Variants in RNASEH1 observed in about 807,000 individuals in gnomAD.
The protein encoded by RNASEH1 is ribonuclease H type II.
RNASEH1 carries 27 observed loss-of-function variants against 34.6 expected under a neutral mutation model. That is an observed-to-expected ratio of 0.78 (90% CI 0.58 to 1.08). The LOEUF (loss-of-function observed/expected upper bound fraction) is 1.08. Ranked by LOEUF, RNASEH1 falls within the 50% of genes least tolerant of loss-of-function variation. The pLI is 0.00. For synonymous variants in RNASEH1, 162 were observed against 138.4 expected (o/e 1.17, Z -1.20); for missense variants, 349 against 373.6 (o/e 0.93, Z 0.54).
intron 6 of RNASEH1, among the ~76,000 whole-genome samples, 194 bp downstream of exon 6, chr2:3,548,446 G>A (rs747037070): frequency 2.0e-5 from 3 of 152,188 alleles, no homozygotes; most frequent in Non-Finnish European, 4.4e-5. Flanking sequence ...TCCAGTGCCT[G>A]GCAAAGAAAT....
intron 1 of RNASEH1, chr2:3,557,725 T>C (rs879127081): frequency 5.8e-6 from 3 of 514,708 alleles, no homozygotes; most frequent in South Asian, 3.2e-5. Context: ...TTATTAGAAT[T>C]TGCCTTTTTT....
chr2:3,539,947 T>C (rs1007500250), downstream of RNASEH1, among the ~76,000 whole-genome samples: 9 of 152,276 alleles, frequency 5.9e-5, no homozygotes, highest in East Asian at 1.5e-3. Context: ...CTTTCTCGTT[T>C]TGTTTGACCT....
At chr2:3,539,674 C>T (rs1668188282), downstream of RNASEH1, among the ~76,000 whole-genome samples, 1 of 152,148 alleles carries the variant, frequency 6.6e-6, no homozygotes, top group African/African-American at 2.4e-5. Context: ...CTGATGACAT[C>T]CTGAGTTCTG....
intron 5 of RNASEH1, 91 bp downstream of exon 5, chr2:3,548,967 T>G (rs1669021437): frequency 9.5e-7 from 1 of 1,056,668 alleles, no homozygotes; most frequent in Non-Finnish European, 1.4e-6. Flanking sequence ...ATATCTTATA[T>G]GTATAGGTAG....
downstream of RNASEH1, among the ~76,000 whole-genome samples, chr2:3,538,951 G>A (rs1019856647): frequency 6.6e-6 from 1 of 152,130 alleles, no homozygotes; most frequent in African/African-American, 2.4e-5. Flanking sequence ...GCATTCTCTC[G>A]TGAGTAAAGC....
intron 3 of RNASEH1, among the ~76,000 whole-genome samples, chr2:3,551,688 T>C (rs369586792): frequency 6.6e-6 from 1 of 152,252 alleles, no homozygotes; most frequent in Non-Finnish European, 1.5e-5. Flanking sequence ...AATACATAAC[T>C]GATTCCTGGA....
intron 1 of RNASEH1, 157 bp downstream of exon 1, chr2:3,557,976 G>A: frequency 2.7e-6 from 4 of 1,493,792 alleles, no homozygotes; most frequent in Non-Finnish European, 3.6e-6. Context: ...AACCCCGCCG[G>A]CCGAGCAGGA....
chr2:3,547,256 CA>C (rs550722770), intron 7 of RNASEH1, among the ~76,000 whole-genome samples: 28 of 152,316 alleles, frequency 1.8e-4, no homozygotes, highest in African/African-American at 6.5e-4. Context: ...TGGCTCACTG[CA>C]ACCTCGACCT....
chr2:3,557,925 A>C, intron 1 of RNASEH1: 3 of 1,530,918 alleles, frequency 2.0e-6, no homozygotes, highest in Non-Finnish European at 2.6e-6. Flanking sequence ...ATTTCAAACA[A>C]GTCTTCGGTG....
chr2:3,552,182 G>A lies in RNASEH1; in HGVS notation c.371C>T (p.Pro124Leu), dbSNP rs1303430946. 7 of 1,611,702 alleles carry A rather than the reference G, an allele frequency of 4.3e-6. No individual in the cohort carries two copies. The highest frequency in any genetic ancestry group is 2.2e-5 in the East Asian group (1 of 44,834). The change falls in exon 3 of 8, where the codon CCG becomes CTG. Residue 124 changes from proline (P) to leucine (L), a missense_variant. Around this residue, in one of 2 missense-constraint regions of RNASEH1, gnomAD observed 256 missense variants for 240.7 expected, o/e 1.06. Transcript: ENST00000315212. ...YAKHMKPSVEPAPPVSRDTFS... is the reference protein window; with the variant it reads ...YAKHMKPSVELAPPVSRDTFS... ...CGTGTCTCTGCTAACTGGAGGCGCC[G>A]GCTCCACGCTCGGCTTCATGTGCTT...
chr2:3,549,742 C>T lies in RNASEH1; in HGVS notation c.510-630G>A, dbSNP rs369560652. On this transcript the variant is annotated intron_variant, in intron 4 of 7. Transcript: ENST00000315212. ...TGGGCGGATCACGAGGTCAGAAGATCGAGACCATCCTGGCTAACACGGTGA... is the reference window on the plus strand; with the variant it reads ...TGGGCGGATCACGAGGTCAGAAGATTGAGACCATCCTGGCTAACACGGTGA... Among the ~76,000 whole-genome samples, 61 of 151,842 alleles carry T rather than the reference C, an allele frequency of 4.0e-4. 2 individuals are homozygous for T. The highest frequency in any genetic ancestry group is 1.2e-3 in the African/African-American group (51 of 41,402).
At chr2:3,555,171 G>A (rs965897943) in intron 2 of RNASEH1, among the ~76,000 whole-genome samples, 2 of 152,010 alleles carry the variant, frequency 1.3e-5, no homozygotes, top group South Asian at 2.1e-4. Context: ...TGTGCTCATC[G>A]GTCTCCTCCT....
At chr2:3,554,027 G>A (rs1660247517) in intron 2 of RNASEH1, among the ~76,000 whole-genome samples, 1 of 152,100 alleles carries the variant, frequency 6.6e-6, no homozygotes, top group Admixed American at 6.5e-5. Context: ...CCTAAACCAG[G>A]GATGGAGAAA....
At chr2:3,547,540 T>G (rs1343460007) in intron 7 of RNASEH1, among the ~76,000 whole-genome samples, 1 of 150,414 alleles carries the variant, frequency 6.6e-6, no homozygotes, top group Non-Finnish European at 1.5e-5. Flanking sequence ...CAGGCTGGAG[T>G]GCAGTGGCGC....
intron 1 of RNASEH1, chr2:3,557,614 A>G: frequency 2.8e-6 from 1 of 350,886 alleles, no homozygotes; most frequent in African/African-American, 2.2e-5. Context: ...TGTCAGTTAC[A>G]TGCCCTGGGA....
intron 2 of RNASEH1, among the ~76,000 whole-genome samples, chr2:3,554,604 G>A (rs1246507616): frequency 6.6e-6 from 1 of 152,224 alleles, no homozygotes; most frequent in Non-Finnish European, 1.5e-5. Flanking sequence ...GTAAGTCACT[G>A]ACTAGGAGGT....
intron 1 of RNASEH1, 165 bp downstream of exon 1, chr2:3,557,968 C>A: frequency 2.0e-6 from 3 of 1,497,700 alleles, no homozygotes; most frequent in Non-Finnish European, 1.8e-6. Flanking sequence ...CCTCCTGGAA[C>A]CCCGCCGGCC....
At chr2:3,534,077 A>G in the RNASEH1 span, 1 of 152,224 alleles carries the variant, frequency 6.6e-6, no homozygotes, top group Admixed American at 6.5e-5. Context: ...TCAGCCACAC[A>G]GCAGGGACTA....
At chr2:3,547,467 G>A (rs545442456) in intron 7 of RNASEH1, among the ~76,000 whole-genome samples, 81 of 151,730 alleles carry the variant, frequency 5.3e-4, no homozygotes, top group African/African-American at 1.8e-3. Context: ...GAACCACTGA[G>A]CCCAGGCTCA....
Sources: allele counts gnomAD v4.1 joint callset (sites outside exome capture counted in the v4.1 genomes callset), GRCh38; gene constraint gnomAD v4.1.1; regional missense constraint gnomAD v4.1.1; transcripts MANE v1.5; gene names NCBI Gene and HGNC (gene_info 2026-07-23, HGNC 2026-07-21).